BRME1: variants seen among roughly 807,000 people sequenced by gnomAD.
BRME1 encodes the protein BRCA2 and MEILB2-associating protein 1.
BRME1 carries 31 observed loss-of-function variants against 52.6 expected under a neutral mutation model. The observed-to-expected ratio is 0.59, with a 90% CI of 0.44 to 0.80. The LOEUF is 0.80. Ranked by LOEUF, BRME1 falls within the 30% of genes least tolerant of loss-of-function variation. BRME1 has a pLI of 0.00. For missense variants in BRME1, 804 were observed against 860.3 expected, an observed-to-expected ratio of 0.93 and a Z score of 0.82; for synonymous variants, 359 against 353.6, an observed-to-expected ratio of 1.02 and a Z score of -0.17.
chr19:13,897,190 C>T (rs1413093224), intron 2 of BRME1, among the ~76,000 whole-genome samples: 1 of 152,012 alleles, frequency 6.6e-6, no homozygotes, highest in African/African-American at 2.4e-5. Flanking sequence ...AGGCACGCAC[C>T]ACCACACCCA....
In BRME1 at chr19:13,895,356, G is replaced by A. The variant is rs761104820; in HGVS notation, c.206+16C>T. 6.2e-7 allele frequency: 1 copy of A among 1,609,746 alleles called. No individual in the cohort carries two copies. ...TGTCAGTGGGGAGACCTGCCGGAAT[G>A]TTCAGAGCCACCTACCTGGAGACGG... On this transcript the variant is annotated intron_variant, in intron 3 of 8. Transcript: ENST00000586783.
chr19:13,885,923 AGGGTCCT>A (rs1968980149), intron 7 of BRME1, 31 bp downstream of exon 7: 1 of 1,575,614 alleles, frequency 6.3e-7, no homozygotes, highest in East Asian at 2.3e-5. Flanking sequence ...AAAATTTGTG[AGGGTCCT>A]GGAGCCACTT....
intron 6 of BRME1, 146 bp from the exon 7 acceptor site, chr19:13,886,201 G>A (rs987852618): frequency 6.2e-6 from 4 of 640,192 alleles, no homozygotes; most frequent in Non-Finnish European, 1.1e-5. Context: ...TGCAGAGGAA[G>A]AGCGGTAACG....
At position 13,889,981 on chromosome 19, in the gene BRME1, A is replaced by G; in HGVS notation, c.875T>C (p.Leu292Pro). Residue 292 changes from leucine (L) to proline (P), a missense_variant, in exon 6 of 9, where the codon CTG (leucine) becomes CCG (proline). By Grantham distance (98) the Leu-to-Pro change is moderately conservative (BLOSUM62 -3). This residue lies in a region of BRME1 where 552 missense variants were observed against 561.1 expected (regional missense o/e 0.98). Transcript: ENST00000586783. ...SAPTSGPAPG[L>P]GPASWCLEPG... ...TTCCAGGCACCAAGAGGCAGGGCCC[A>G]GTCCTGGAGCAGGGCCTGAGGTAGG... is the stretch of plus-strand genomic sequence containing the variant. The G allele has an allele frequency of 6.2e-7, 1 of 1,612,854 alleles. No homozygotes were observed.
intron 2 of BRME1, among the ~76,000 whole-genome samples, chr19:13,902,359 C>T (rs1051766588): frequency 2.0e-5 from 3 of 151,728 alleles, no homozygotes; most frequent in Non-Finnish European, 2.9e-5. Flanking sequence ...CTGAGCTGGG[C>T]GCGCTGGCTC....
chr19:13,904,582 C>T (rs1283931154), intron 2 of BRME1, among the ~76,000 whole-genome samples: 1 of 152,028 alleles, frequency 6.6e-6, no homozygotes, highest in Non-Finnish European at 1.5e-5. Context: ...GGTGGGACTA[C>T]AGGCATGTGC....
At position 13,882,901 on chromosome 19, in the gene BRME1, GT is replaced by G. The variant is rs760287820; in HGVS notation, c.1907del (p.Asn636ThrfsTer37). On this transcript the variant is annotated frameshift_variant, in exon 9 of 9. Coordinates refer to ENST00000586783, the MANE Select transcript of BRME1 (RefSeq NM_001345843.2). LOFTEE classifies it low-confidence loss of function (END_TRUNC). ...HRDLEAFKRL[N>X]YRKTKLGGKA... Reference sequence around the variant, plus strand: ...TGCCTCCCAGCTTTGTCTTCCGGTAGTTAAGGCGCTTGAAAGCTTCCAGGTC... The same window carrying G: ...TGCCTCCCAGCTTTGTCTTCCGGTAGTAAGGCGCTTGAAAGCTTCCAGGTC... The G allele has an allele frequency of 7.2e-5, 116 of 1,614,032 alleles. No homozygotes were observed. The highest frequency in any genetic ancestry group is 3.0e-4 in the Admixed American group (18 of 59,998).
chr19:13,886,471 C>T (rs1037041835), intron 6 of BRME1, among the ~76,000 whole-genome samples: 5 of 152,248 alleles, frequency 3.3e-5, no homozygotes, highest in Admixed American at 6.5e-5. Context: ...GAAGTGGAGT[C>T]GTCTACCTTG....
chr19:13,891,411 A>C (rs1161034228), intron 5 of BRME1, among the ~76,000 whole-genome samples: 2 of 151,784 alleles, frequency 1.3e-5, no homozygotes, highest in East Asian at 3.9e-4. Flanking sequence ...GGCCTCCCAA[A>C]GTGCTGGGAT....
chr19:13,898,823 T>G (rs1970091582), intron 2 of BRME1, among the ~76,000 whole-genome samples: 1 of 147,356 alleles, frequency 6.8e-6, no homozygotes, highest in Non-Finnish European at 1.5e-5. Context: ...CTCAGGAGGC[T>G]GAGGCAGGAG....
At chr19:13,894,137 A>G (rs902081116) in intron 3 of BRME1, among the ~76,000 whole-genome samples, 6 of 152,116 alleles carry the variant, frequency 3.9e-5, no homozygotes, top group African/African-American at 1.4e-4. Flanking sequence ...TTGGACGGAC[A>G]CTCCAGCCCT....
At position 13,890,204 on chromosome 19, in the gene BRME1, C is replaced by G. The variant is rs759971791; in HGVS notation, c.652G>C (p.Asp218His). ...CTGTCTGTCTCAGGCTTGCTGTCAT[C>G]GGCCCCTTGTTCTGACAGGTGGTCT... ...SQDHLSEQGA[D>H]DSKPETDRVP... The change falls in exon 6 of 9, where the codon GAT becomes CAT. Residue 218 changes from aspartate to histidine, a missense_variant. Physicochemically the swap from Asp to His is moderately conservative, Grantham distance 81. Around this residue, in one of 3 missense-constraint regions of BRME1, gnomAD observed 18 missense variants for 41.1 expected, o/e 0.44. Coordinates refer to ENST00000586783, the MANE Select transcript of BRME1 (RefSeq NM_001345843.2). 6.2e-7 allele frequency: 1 copy of G among 1,614,116 alleles called. No individual in the cohort carries two copies. The highest frequency in any genetic ancestry group is 2.2e-5 in the East Asian group (1 of 44,900).
chr19:13,891,501 T>C (rs2145162517), intron 5 of BRME1, among the ~76,000 whole-genome samples: 2 of 150,460 alleles, frequency 1.3e-5, no homozygotes, highest in South Asian at 4.2e-4. Flanking sequence ...AGGGTCTCAC[T>C]CTTTCGTCCA....
chr19:13,895,322 T>C, intron 3 of BRME1, 50 bp downstream of exon 3: 2 of 1,569,866 alleles, frequency 1.3e-6, no homozygotes, highest in Admixed American at 1.8e-5. Flanking sequence ...GCTGCTGTGC[T>C]ATGTGGACTG....
chr19:13,899,664 T>C lies in BRME1; in HGVS notation c.32-4118A>G, dbSNP rs1430594794. Among the ~76,000 whole-genome samples, 3 of 152,112 alleles carry C rather than the reference T, an allele frequency of 2.0e-5. No homozygotes were observed. The East Asian group carries it at 5.8e-4, about 29-fold the overall frequency. On this transcript the variant is annotated intron_variant, in intron 2 of 8. Transcript: ENST00000586783. The stretch of plus-strand genomic sequence containing the variant: ...CATCAGGTGCCCACCTCAAAGGATG[T>C]ACCACCACAAGTAAAGCTCCGATGG...
chr19:13,892,903 T>C lies in BRME1; in HGVS notation c.289-13A>G, dbSNP rs936433698. On this transcript the variant is annotated splice_polypyrimidine_tract_variant and intron_variant, in intron 4 of 8. Coordinates refer to ENST00000586783, the MANE Select transcript of BRME1 (RefSeq NM_001345843.2). ...TCCCGAATGAGTTCTGTAAACCGGA[T>C]ACAAGAACAAAGCAGCAATAAAGAT... 3.1e-6 allele frequency: 5 copies of C among 1,605,604 alleles called. No homozygotes were observed. In the South Asian group the frequency reaches 5.5e-5, roughly 18 times the overall value.
intron 6 of BRME1, 143 bp downstream of exon 6, chr19:13,889,045 G>T: frequency 1.4e-6 from 1 of 722,850 alleles, no homozygotes; most frequent in Non-Finnish European, 2.2e-6. Flanking sequence ...GCTGCAACTC[G>T]GACTCCTATA....
intron 4 of BRME1, 55 bp from the exon 5 acceptor site, chr19:13,892,945 C>G: frequency 1.3e-6 from 2 of 1,563,714 alleles, no homozygotes; most frequent in Non-Finnish European, 1.8e-6. Context: ...GGAATGAGGT[C>G]TTAGGAAAAA....
At position 13,893,064 on chromosome 19, in the gene BRME1, A is replaced by C. The variant is rs550268364; in HGVS notation, c.288+78T>G. On this transcript the variant is annotated intron_variant, in intron 4 of 8. Coordinates refer to ENST00000586783, the MANE Select transcript of BRME1 (RefSeq NM_001345843.2). Reference sequence around the variant, plus strand: ...GACCATGAGTGAGCAATTGGTGACAAAGAAGGGAGACACAGAGCCGGAACT... The same window carrying C: ...GACCATGAGTGAGCAATTGGTGACACAGAAGGGAGACACAGAGCCGGAACT... The C allele has an allele frequency of 3.5e-6, 5 of 1,446,622 alleles. No individual in the cohort carries two copies. The South Asian group carries it at 6.1e-5, about 18-fold the overall frequency. 89.6% of individuals were successfully genotyped at this position (1,446,622 alleles called of 1,614,324 possible).
Sources: gnomAD v4.1 joint callset for allele counts (sites outside exome capture counted in the v4.1 genomes callset) on GRCh38, gnomAD v4.1.1 for gene constraint, gnomAD v4.1.1 regional missense constraint, MANE v1.5 for transcripts, NCBI Gene and HGNC (gene_info 2026-07-23, HGNC 2026-07-21) for gene names.